Variants in POFUT3 observed in about 807,000 individuals in gnomAD.
POFUT3 encodes protein O-fucosyltransferase 3.
the POFUT3 span, among the ~76,000 whole-genome samples, chr8:33,402,787 G>C: frequency 1.3e-5 from 2 of 152,006 alleles, no homozygotes; most frequent in Non-Finnish European, 2.9e-5. Context: ...GGCCAGATTC[G>C]GTGGCTCATG....
chr8:33,325,587 T>C, the POFUT3 span, among the ~76,000 whole-genome samples: 1 of 152,218 alleles, frequency 6.6e-6, no homozygotes. Flanking sequence ...TTGATTTCTC[T>C]ACCACAAAGG....
At chr8:33,417,393 C>T in the POFUT3 span, among the ~76,000 whole-genome samples, 9 of 152,034 alleles carry the variant, frequency 5.9e-5, no homozygotes, top group Non-Finnish European at 1.3e-4. Context: ...ATCCCGAAAC[C>T]ATCTTCCCCT....
chr8:33,426,705 C>A, the POFUT3 span, among the ~76,000 whole-genome samples: 1 of 152,206 alleles, frequency 6.6e-6, no homozygotes, highest in African/African-American at 2.4e-5. Context: ...CCAGGTCCTA[C>A]CTCCCTCCCC....
chr8:33,310,606 C>T, the POFUT3 span, among the ~76,000 whole-genome samples: 3 of 151,484 alleles, frequency 2.0e-5, no homozygotes, highest in Non-Finnish European at 4.4e-5. Flanking sequence ...CAGGAGGATC[C>T]CTTGAACCAG....
At chr8:33,361,788 G>C in the POFUT3 span, among the ~76,000 whole-genome samples, 1 of 152,108 alleles carries the variant, frequency 6.6e-6, no homozygotes, top group Non-Finnish European at 1.5e-5. Context: ...AGGTTTTTAA[G>C]GCATTTTTCA....
chr8:33,383,140 C>A, the POFUT3 span, among the ~76,000 whole-genome samples: 1 of 152,154 alleles, frequency 6.6e-6, no homozygotes, highest in East Asian at 1.9e-4. Context: ...ATCACTCCCA[C>A]TTAACACTCA....
chr8:33,309,913 T>C, the POFUT3 span, among the ~76,000 whole-genome samples: 1 of 152,160 alleles, frequency 6.6e-6, no homozygotes, highest in South Asian at 2.1e-4. Context: ...CAATTCCAAC[T>C]GTTGAGGGAA....
chr8:33,380,017 A>ATGTATATATATATAGTATATATATAG, the POFUT3 span, among the ~76,000 whole-genome samples: 61 of 50,472 alleles, frequency 1.2e-3, 10 homozygotes, highest in African/African-American at 5.9e-3. Context: ...TATATATAGT[A>ATGTATATATATATAGTATATATATAG]TATATATATA....
chr8:33,387,852 A>C, the POFUT3 span, among the ~76,000 whole-genome samples: 2 of 152,198 alleles, frequency 1.3e-5, no homozygotes, highest in East Asian at 3.8e-4. Flanking sequence ...TTACACATCT[A>C]TGAGAGTCTG....
chr8:33,324,894 C>G, the POFUT3 span, among the ~76,000 whole-genome samples: 28 of 152,156 alleles, frequency 1.8e-4, no homozygotes, highest in Non-Finnish European at 3.8e-4. Flanking sequence ...CAGTGCTAGG[C>G]TCTGTCTCAG....
chr8:33,432,476 A>G, the POFUT3 span, among the ~76,000 whole-genome samples: 1 of 152,076 alleles, frequency 6.6e-6, no homozygotes, highest in African/African-American at 2.4e-5. Flanking sequence ...CCTCATTCCT[A>G]TTGGTATGGG....
chr8:33,393,966 G>A, the POFUT3 span, among the ~76,000 whole-genome samples: 1 of 152,198 alleles, frequency 6.6e-6, no homozygotes, highest in South Asian at 2.1e-4. Context: ...AGGATTGCTT[G>A]AGCCCAGGAG....
chr8:33,423,048 C>G, the POFUT3 span, among the ~76,000 whole-genome samples: 1 of 152,056 alleles, frequency 6.6e-6, no homozygotes, highest in African/African-American at 2.4e-5. Flanking sequence ...AACTCCTGGA[C>G]TCAAGTAGTC....
At chr8:33,398,377 T>C in the POFUT3 span, among the ~76,000 whole-genome samples, 27 of 152,192 alleles carry the variant, frequency 1.8e-4, no homozygotes, top group Non-Finnish European at 1.0e-4. Context: ...AGATGACTAG[T>C]CAAATCCCCC....
the POFUT3 span, among the ~76,000 whole-genome samples, chr8:33,321,401 T>C: frequency 6.6e-6 from 1 of 152,082 alleles, no homozygotes; most frequent in African/African-American, 2.4e-5. Context: ...TGATGCTTCG[T>C]TGCTACCTGG....
At chr8:33,434,397 A>G in the POFUT3 span, among the ~76,000 whole-genome samples, 1 of 151,698 alleles carries the variant, frequency 6.6e-6, no homozygotes, top group African/African-American at 2.4e-5. Flanking sequence ...CCACCAAGGC[A>G]CCCCTCCCAC....
the POFUT3 span, among the ~76,000 whole-genome samples, chr8:33,322,605 T>C: frequency 6.4e-4 from 98 of 152,108 alleles, no homozygotes; most frequent in African/African-American, 2.3e-3. Flanking sequence ...GCATATTATA[T>C]ACATAGTATA....
At chr8:33,466,913 C>T in the POFUT3 span, among the ~76,000 whole-genome samples, 7 of 152,070 alleles carry the variant, frequency 4.6e-5, no homozygotes, top group South Asian at 4.2e-4. Context: ...GAGACCAGCC[C>T]GACCAATATG....
chr8:33,413,907 T>A, the POFUT3 span, among the ~76,000 whole-genome samples: 1 of 152,132 alleles, frequency 6.6e-6, no homozygotes. Flanking sequence ...GTATCTCTCC[T>A]TTGCTGGGGC....
Sources: allele counts gnomAD v4.1 joint callset (sites outside exome capture counted in the v4.1 genomes callset), GRCh38; gene constraint gnomAD v4.1.1; transcripts MANE v1.5; gene names NCBI Gene and HGNC (gene_info 2026-07-23, HGNC 2026-07-21).